The following ALCAM variants were observed in gnomAD, a reference collection of about 807,000 sequenced individuals.
The protein encoded by ALCAM is CD166 antigen.
In ALCAM, 30 loss-of-function variants were observed where a neutral mutation model predicts 70.9. That is an observed-to-expected ratio of 0.42 (90% confidence interval 0.32 to 0.57). ALCAM has a LOEUF of 0.57. Ranked by LOEUF, ALCAM falls within the 20% of genes least tolerant of loss-of-function variation. ALCAM has a pLI of 0.11. For missense variants in ALCAM, 591 were observed against 695.1 expected, an observed-to-expected ratio of 0.85 and a Z score of 1.68; for synonymous variants, 249 against 242.5, an observed-to-expected ratio of 1.03 and a Z score of -0.25.
At chr3:105,389,398 T>TC (rs1553718635) in intron 1 of ALCAM, among the ~76,000 whole-genome samples, 12,518 of 127,688 alleles carry the variant, frequency 0.098, 936 homozygotes, top group East Asian at 0.22. Context: ...TTTTTTTTTT[T>TC]CTAAAAAACA....
Position 105,570,695 on chromosome 3 carries a change from A to G in ALCAM, c.1665-1157A>G, listed in dbSNP as rs180704732. Among the ~76,000 whole-genome samples, 12 of 152,366 alleles carry G rather than the reference A, an allele frequency of 7.9e-5. No individual in the cohort carries two copies. In the South Asian group the frequency reaches 1.0e-3, roughly 13 times the overall value. ...TCACCCTATGACATCCTATAGACCA[A>G]TGAGAATGAACAATCTATAATCATA... On this transcript the variant is annotated intron_variant, in intron 14 of 15. Transcript: ENST00000306107.
chr3:105,552,551 G>A lies in ALCAM; in HGVS notation c.1630G>A (p.Gly544Ser). 1 of 1,611,612 alleles carries A rather than the reference G, an allele frequency of 6.2e-7. No individual in the cohort carries two copies. The highest frequency in any genetic ancestry group is 8.5e-7 in the Non-Finnish European group (1 of 1,178,282). ...TCTCCTCCTTGCTGCCCTTGTTGCT[G>A]GTGTCGTCTACTGGCTGTACATGAA... ...VGLLLAALVA[G>S]VVYWLYMKKS... The change falls in exon 14 of 16, where the codon GGT (glycine) becomes AGT (serine). Residue 544 changes from glycine (G) to serine (S), a missense_variant. Around this residue, in one of 2 missense-constraint regions of ALCAM, gnomAD observed 164 missense variants for 244.7 expected, o/e 0.67. Transcript: ENST00000306107.
chr3:105,390,223 A>G (rs946566122), intron 1 of ALCAM, among the ~76,000 whole-genome samples: 1 of 151,790 alleles, frequency 6.6e-6, no homozygotes, highest in Non-Finnish European at 1.5e-5. Flanking sequence ...AAGCATTCCT[A>G]TTTCTCCATA....
intron 1 of ALCAM, among the ~76,000 whole-genome samples, chr3:105,404,946 T>C (rs910641959): frequency 6.6e-6 from 1 of 151,978 alleles, no homozygotes; most frequent in African/African-American, 2.4e-5. Flanking sequence ...TGTTCTTATG[T>C]CAGACGAAAC....
intron 14 of ALCAM, among the ~76,000 whole-genome samples, chr3:105,559,594 G>A (rs1229439122): frequency 2.0e-5 from 3 of 152,020 alleles, no homozygotes; most frequent in Non-Finnish European, 4.4e-5. Context: ...TTAATCATGT[G>A]ATGGTCATAT....
At chr3:105,369,530 G>A (rs542883822) in intron 1 of ALCAM, among the ~76,000 whole-genome samples, 26 of 152,224 alleles carry the variant, frequency 1.7e-4, no homozygotes, top group African/African-American at 6.3e-4. Flanking sequence ...GTTTTGAAAG[G>A]AAAGGTTACA....
intron 1 of ALCAM, among the ~76,000 whole-genome samples, chr3:105,396,428 A>C (rs1935952618): frequency 6.6e-6 from 1 of 152,012 alleles, no homozygotes; most frequent in Non-Finnish European, 1.5e-5. Context: ...TTGGAAAAGC[A>C]CAGGGATTGA....
intron 1 of ALCAM, among the ~76,000 whole-genome samples, chr3:105,502,546 G>A (rs959777962): frequency 2.0e-5 from 3 of 152,150 alleles, no homozygotes; most frequent in Admixed American, 6.5e-5. Context: ...CAGGTTAGAC[G>A]GATGGATTGA....
intron 1 of ALCAM, among the ~76,000 whole-genome samples, chr3:105,420,907 C>A (rs990274175): frequency 6.6e-6 from 1 of 151,358 alleles, no homozygotes; most frequent in African/African-American, 2.4e-5. Flanking sequence ...GATTTGTAAT[C>A]TCTGAGGAAG....
At position 105,547,504 on chromosome 3, in the gene ALCAM, G is replaced by A. The variant is rs1228003241; in HGVS notation, c.1355G>A (p.Ser452Asn). ...KPAIQWTITGSGSVINQTEES... is the reference protein window; with the variant it reads ...KPAIQWTITGNGSVINQTEES... The stretch of plus-strand genomic sequence containing the variant: ...GCCATTCAATGGACAATTACTGGCA[G>A]TGGAAGCGTCATAAACCAAGCAAGT... The change falls in exon 11 of 16, where the codon AGT becomes AAT. Residue 452 changes from serine to asparagine, a missense_variant. Ser to Asn is a conservative substitution (Grantham distance 46, BLOSUM62 1). This residue lies in a region of ALCAM where 164 missense variants were observed against 244.7 expected (regional missense o/e 0.67). Transcript: ENST00000306107. 1.9e-6 allele frequency: 3 copies of A among 1,609,762 alleles called. No homozygotes were observed. Among genetic ancestry groups the A allele is most frequent in the East Asian group, 2.2e-5 (1 of 44,790 alleles).
chr3:105,475,162 A>T (rs1161354603), intron 1 of ALCAM, among the ~76,000 whole-genome samples: 2 of 151,978 alleles, frequency 1.3e-5, no homozygotes, highest in East Asian at 3.9e-4. Context: ...TTACATTGTC[A>T]ATAGGCTAAG....
chr3:105,478,413 C>T (rs1177356827), intron 1 of ALCAM, among the ~76,000 whole-genome samples: 1 of 152,044 alleles, frequency 6.6e-6, no homozygotes, highest in African/African-American at 2.4e-5. Context: ...CTCCAGGATT[C>T]CCCCTTACAA....
intron 1 of ALCAM, among the ~76,000 whole-genome samples, chr3:105,378,172 G>A (rs1935424081): frequency 6.6e-6 from 1 of 151,498 alleles, no homozygotes; most frequent in African/African-American, 2.4e-5. Flanking sequence ...AACCCATTAA[G>A]GAAAGTAGGA....
intron 1 of ALCAM, among the ~76,000 whole-genome samples, chr3:105,429,326 G>A (rs527774043): frequency 1.3e-5 from 2 of 152,048 alleles, no homozygotes; most frequent in African/African-American, 2.4e-5. Flanking sequence ...TTTATTAAAT[G>A]TCTTCTACAC....
In ALCAM at chr3:105,391,666, G is replaced by A. The variant is rs571154492; in HGVS notation, c.73+24185G>A. 7.9e-5 allele frequency among the ~76,000 whole-genome samples: 12 copies of A among 152,034 alleles called. No individual in the cohort carries two copies. The East Asian group carries it at 1.4e-3, about 17-fold the overall frequency. ...AGAGAGGGCATCCTTATATTGTGTC[G>A]GTTTTCAAGGGGAATGCTTCCAGCT... On this transcript the variant is annotated intron_variant, in intron 1 of 15. Coordinates refer to ENST00000306107, the MANE Select transcript of ALCAM (RefSeq NM_001627.4).
chr3:105,552,368 T>C lies in ALCAM; in HGVS notation c.1547-100T>C, dbSNP rs150830839. The C allele has an allele frequency of 5.0e-5, 68 of 1,357,598 alleles. 1 individual carries two copies. The African/African-American group carries it at 8.0e-4, about 16-fold the overall frequency. The allele number at this position is 1,357,598 out of a possible 1,614,324, so 84.1% of individuals were successfully genotyped here. On this transcript the variant is annotated intron_variant, in intron 13 of 15. Coordinates refer to ENST00000306107, the MANE Select transcript of ALCAM (RefSeq NM_001627.4). ...CAAGTTTGCATGTTAATTACTGTAG[T>C]GAGCTTTAGTCATTTTTAATACAAA...
chr3:105,397,628 C>T (rs1395049879), intron 1 of ALCAM, among the ~76,000 whole-genome samples: 1 of 151,860 alleles, frequency 6.6e-6, no homozygotes, highest in Non-Finnish European at 1.5e-5. Flanking sequence ...TTTTCAATAA[C>T]AACGAAACAC....
rs1936480765 is a variant in ALCAM at position 105,415,291 on chromosome 3, A to G, written c.73+47810A>G. Among the ~76,000 whole-genome samples the G allele has an allele frequency of 4.6e-5, 7 of 152,286 alleles. No homozygotes were observed. In the South Asian group the frequency reaches 1.4e-3, roughly 32 times the overall value. ...TGAGACGAAGTGCCTCAAAAAGAAC[A>G]AGTATGGAACATATGGTTTTCCTGA... On this transcript the variant is annotated intron_variant, in intron 1 of 15. Transcript: ENST00000306107.
intron 1 of ALCAM, among the ~76,000 whole-genome samples, chr3:105,509,347 C>T (rs1266388963): frequency 6.6e-6 from 1 of 151,960 alleles, no homozygotes; most frequent in African/African-American, 2.4e-5. Context: ...CAAGGATTTC[C>T]TTTTCTCTAC....
Sources: gnomAD v4.1 joint callset for allele counts (sites outside exome capture counted in the v4.1 genomes callset) on GRCh38, gnomAD v4.1.1 for gene constraint, gnomAD v4.1.1 regional missense constraint, MANE v1.5 for transcripts, NCBI Gene and HGNC (gene_info 2026-07-23, HGNC 2026-07-21) for gene names.